Variants in CSTF2 observed in about 807,000 individuals in gnomAD.
CSTF2 encodes the protein cleavage stimulation factor subunit 2.
CSTF2 carries 8 observed loss-of-function variants against 45.4 expected under a neutral mutation model. That is an observed-to-expected ratio of 0.18 (90% CI 0.10 to 0.32). The LOEUF (loss-of-function observed/expected upper bound fraction) is 0.32, where lower values mean the gene tolerates loss of function less well. CSTF2 is among the 10% of genes least tolerant of loss of function. The pLI is 1.00. For synonymous variants in CSTF2, 155 were observed against 158.9 expected, an observed-to-expected ratio of 0.98 and a Z score of 0.18; for missense variants, 253 against 477.1, an observed-to-expected ratio of 0.53 and a Z score of 4.38.
chrX:100,838,287 A>G lies in CSTF2; in HGVS notation c.1660A>G (p.Met554Val). Reference sequence around the variant, plus strand: ...ACAACTGACTGCAGACCAGATTGCCATGTTGCCTCCTGAGCAAAGGCAGAG... The same window carrying G: ...ACAACTGACTGCAGACCAGATTGCCGTGTTGCCTCCTGAGCAAAGGCAGAG... ...VLQLTADQIAMLPPEQRQSIL... is the reference protein window; with the variant it reads ...VLQLTADQIAVLPPEQRQSIL... Residue 554 changes from methionine (M) to valine (V), a missense_variant, in exon 13 of 14, where the codon ATG (methionine) becomes GTG (valine). Around this residue, in one of 3 missense-constraint regions of CSTF2, gnomAD observed 8 missense variants for 35.5 expected, o/e 0.23. Transcript: ENST00000372972. 8.3e-7 allele frequency: 1 copy of G among 1,205,237 alleles called. No homozygotes were observed. Among genetic ancestry groups the G allele is most frequent in the Non-Finnish European group, 1.1e-6 (1 of 892,191 alleles).
chrX:100,833,054 C>T (rs2084985282), intron 10 of CSTF2, 126 bp from the exon 11 acceptor site: 1 of 979,002 alleles, frequency 1.0e-6, no homozygotes, highest in Non-Finnish European at 1.4e-6. Flanking sequence ...AGACAATAGT[C>T]TCATATGTTA....
chrX:100,835,065 TTATAAA>T (rs1450714905), intron 11 of CSTF2, among the ~76,000 whole-genome samples: 2 of 110,708 alleles, frequency 1.8e-5, no homozygotes, highest in South Asian at 3.8e-4. Context: ...ATATATTAAC[TTATAAA>T]TATATATATT....
chrX:100,830,836 C>T (rs753418641), intron 8 of CSTF2: 14 of 1,152,873 alleles, frequency 1.2e-5, no homozygotes, highest in African/African-American at 5.4e-5. Context: ...CCGTGGGACC[C>T]GCCGGGCCTG....
At chrX:100,820,532 T>A (rs1270790587) in intron 1 of CSTF2, 58 bp downstream of exon 1, 2 of 1,121,993 alleles carry the variant, frequency 1.8e-6, no homozygotes, top group Non-Finnish European at 2.5e-6. Context: ...GCACCTTCTA[T>A]CTCATGAATC....
rs1285792769 is a variant in CSTF2 at position 100,841,446 on chromosome X, A to C, written c.*736A>C. 3.6e-5 allele frequency among the ~76,000 whole-genome samples: 4 copies of C among 112,548 alleles called. No homozygotes were observed. Among genetic ancestry groups the C allele is most frequent in the Non-Finnish European group, 7.5e-5 (4 of 53,346 alleles). On this transcript the variant is annotated 3_prime_UTR_variant, in exon 14 of 14. Transcript: ENST00000372972. ...TGTTCTTAAACTTATCAGTCTAGGC[A>C]GTCAACTTTGAAAGTTTAAAAAGCC...
At chrX:100,822,162 T>TA in intron 2 of CSTF2, 89 bp from the exon 3 acceptor site, 3 of 697,798 alleles carry the variant, frequency 4.3e-6, no homozygotes, top group Non-Finnish European at 6.4e-6. Context: ...TTATTTATGT[T>TA]ACAGTGGGCC....
chrX:100,832,501 CATACAT>C (rs1204261949), intron 9 of CSTF2, among the ~76,000 whole-genome samples: 1 of 112,322 alleles, frequency 8.9e-6, no homozygotes, highest in African/African-American at 3.2e-5. Flanking sequence ...TCTGCAAACT[CATACAT>C]ATAATGAATA....
chrX:100,826,311 T>A (rs947143856), intron 6 of CSTF2, among the ~76,000 whole-genome samples: 7 of 104,898 alleles, frequency 6.7e-5, no homozygotes, highest in Admixed American at 1.0e-4. Flanking sequence ...TTTTTTTTTT[T>A]ACTCTTATTG....
In CSTF2 at chrX:100,821,615, C is replaced by G; in HGVS notation, c.137+10C>G. 1 of 1,166,023 alleles carries G rather than the reference C, an allele frequency of 8.6e-7. No homozygotes were observed. Among genetic ancestry groups the G allele is most frequent in the African/African-American group, 1.8e-5 (1 of 56,531 alleles). On this transcript the variant is annotated intron_variant, in intron 2 of 13. Transcript: ENST00000372972. ...CTGTTGTTAGTTTCAGGTGAGATCC[C>G]CTTTTCCTTCATGGTGGGAGCTTCT...
At chrX:100,822,206 G>T in intron 2 of CSTF2, 45 bp from the exon 3 acceptor site, 7 of 1,090,252 alleles carry the variant, frequency 6.4e-6, no homozygotes, top group Non-Finnish European at 8.8e-6. Context: ...CAGGAACCCT[G>T]TATGTGTGTA....
At position 100,834,226 on chromosome X, in the gene CSTF2, C is replaced by A. The variant is rs988217312; in HGVS notation, c.1500+754C>A. Among the ~76,000 whole-genome samples the A allele has an allele frequency of 1.8e-5, 2 of 111,416 alleles. 1 individual carries two copies. The highest frequency in any genetic ancestry group is 1.9e-4 in the Admixed American group (2 of 10,438). On this transcript the variant is annotated intron_variant, in intron 11 of 13. Transcript: ENST00000372972. The stretch of plus-strand genomic sequence containing the variant: ...TAACTGCTCCACCTTCCTTTTCCCC[C>A]CTTCCTCTGCGTACTTCTCTCTTCT...
rs139232060 is a variant in CSTF2, at chrX:100,832,769, T to C, written c.1067T>C (p.Met356Thr). ...GGACCACCTCATCAGGGTCCACCCA[T>C]GCACCATGTCCCTGGCCATGAGAGC... is the stretch of plus-strand genomic sequence containing the variant. ...YLGPPHQGPP[M>T]HHVPGHESRG... The change falls in exon 10 of 14, where the codon ATG becomes ACG. Residue 356 changes from methionine to threonine, a missense_variant. Physicochemically the swap from Met to Thr is moderately conservative, Grantham distance 81. This residue lies in a region of CSTF2 where 200 missense variants were observed against 294.0 expected (regional missense o/e 0.68). Coordinates refer to ENST00000372972, the MANE Select transcript of CSTF2 (RefSeq NM_001325.3). 18 of 1,209,632 alleles carry C rather than the reference T, an allele frequency of 1.5e-5. No individual in the cohort carries two copies. The highest frequency in any genetic ancestry group is 1.9e-5 in the Non-Finnish European group (17 of 895,061).
At chrX:100,824,316 A>G in intron 6 of CSTF2, 59 bp downstream of exon 6, 5 of 1,054,811 alleles carry the variant, frequency 4.7e-6, no homozygotes, top group Non-Finnish European at 6.3e-6. Context: ...TTTTCTTTTT[A>G]GGAGAATATA....
chrX:100,838,320 A>G lies in CSTF2; in HGVS notation c.1693A>G (p.Ile565Val). 1 of 1,204,560 alleles carries G rather than the reference A, an allele frequency of 8.3e-7. No homozygotes were observed. The highest frequency in any genetic ancestry group is 1.1e-6 in the Non-Finnish European group (1 of 892,062). Residue 565 changes from isoleucine (I) to valine (V), a missense_variant, in exon 13 of 14, where the codon ATT (isoleucine) becomes GTT (valine). Physicochemically the swap from Ile to Val is conservative, Grantham distance 29 (BLOSUM62 3). Around this residue, in one of 3 missense-constraint regions of CSTF2, gnomAD observed 8 missense variants for 35.5 expected, o/e 0.23. Coordinates refer to ENST00000372972, the MANE Select transcript of CSTF2 (RefSeq NM_001325.3). Reference sequence around the variant, plus strand: ...TCCTGAGCAAAGGCAGAGTATCCTGATTTTAAAGGAACAAATACAGAAATC... The same window carrying G: ...TCCTGAGCAAAGGCAGAGTATCCTGGTTTTAAAGGAACAAATACAGAAATC... ...LPPEQRQSIL[I>V]LKEQIQKSTG...
rs767029454 is a variant in CSTF2, at chrX:100,833,425, C to T, written c.1453C>T (p.Pro485Ser). The change falls in exon 11 of 14, where the codon CCC becomes TCC. Residue 485 changes from proline to serine, a missense_variant. Coordinates refer to ENST00000372972, the MANE Select transcript of CSTF2 (RefSeq NM_001325.3). Reference sequence around the variant, plus strand: ...ACCTATACCTAGTGGAATGCAGGGTCCCAGTCCAATTAACATGGGGGCGGT... The same window carrying T: ...ACCTATACCTAGTGGAATGCAGGGTTCCAGTCCAATTAACATGGGGGCGGT... ...RGPIPSGMQG[P>S]SPINMGAVVP... 1.7e-6 allele frequency: 2 copies of T among 1,208,423 alleles called. No individual in the cohort carries two copies. Among genetic ancestry groups the T allele is most frequent in the Non-Finnish European group, 2.2e-6 (2 of 893,734 alleles).
intron 3 of CSTF2, chrX:100,822,677 G>A (rs1385669286): frequency 2.4e-5 from 9 of 377,159 alleles, no homozygotes; most frequent in South Asian, 8.6e-5. Flanking sequence ...GCCTCAAACC[G>A]TTTCAAAACT....
At chrX:100,821,399 G>A (rs1284398152) in intron 1 of CSTF2, 128 bp from the exon 2 acceptor site, 22 of 488,031 alleles carry the variant, frequency 4.5e-5, no homozygotes. Flanking sequence ...GAGGTCTGAA[G>A]AAATACAATG....
In CSTF2 at chrX:100,823,288, T is replaced by C. The variant is rs1164952425; in HGVS notation, c.308-4T>C. ...TAACTTTCTTGTACTTTCTTCTTGA[T>C]TAGGCCTTGGCACTGGTGCCCCTGT... On this transcript the variant is annotated splice_region_variant and splice_polypyrimidine_tract_variant and intron_variant, in intron 3 of 13. Transcript: ENST00000372972. The C allele has an allele frequency of 2.5e-6, 3 of 1,207,493 alleles. No individual in the cohort carries two copies. Among genetic ancestry groups the C allele is most frequent in the Non-Finnish European group, 3.4e-6 (3 of 893,739 alleles).
chrX:100,837,155 G>T (rs1402364479), intron 11 of CSTF2, among the ~76,000 whole-genome samples, 184 bp from the exon 12 acceptor site: 1 of 112,420 alleles, frequency 8.9e-6, no homozygotes, highest in African/African-American at 3.2e-5. Context: ...GAACTTGCTA[G>T]TTGATCTCTG....
Sources: allele counts gnomAD v4.1 joint callset (sites outside exome capture counted in the v4.1 genomes callset), GRCh38; gene constraint gnomAD v4.1.1; regional missense constraint gnomAD v4.1.1; transcripts MANE v1.5; gene names NCBI Gene and HGNC (gene_info 2026-07-23, HGNC 2026-07-21).